The following PTPN3 variants were observed in gnomAD, a reference collection of about 807,000 sequenced individuals.
PTPN3 encodes the protein tyrosine-protein phosphatase non-receptor type 3.
In PTPN3, 96 loss-of-function variants were observed where a neutral mutation model predicts 132.7. The observed-to-expected ratio is 0.72, with a 90% CI of 0.61 to 0.86. PTPN3 has a LOEUF of 0.86. Ranked by LOEUF, PTPN3 falls within the 40% of genes least tolerant of loss-of-function variation. The pLI is 0.00. For missense variants in PTPN3, 1,125 were observed against 1,159.6 expected (o/e 0.97, Z 0.43); for synonymous variants, 398 against 429.0 (o/e 0.93, Z 0.89).
At chr9:109,447,150 G>C (rs1001593698) in intron 6 of PTPN3, among the ~76,000 whole-genome samples, 1 of 152,102 alleles carries the variant, frequency 6.6e-6, no homozygotes, top group Non-Finnish European at 1.5e-5. Context: ...TGATTCACAT[G>C]GAAATAACAA....
chr9:109,532,259 C>G, the PTPN3 span, among the ~76,000 whole-genome samples: 1 of 152,144 alleles, frequency 6.6e-6, no homozygotes, highest in Non-Finnish European at 1.5e-5. Context: ...TTTGAATCCC[C>G]TTTAAAGTTT....
At chr9:109,381,619 G>T in intron 25 of PTPN3, 33 bp downstream of exon 25, 3 of 1,612,838 alleles carry the variant, frequency 1.9e-6, no homozygotes, top group Non-Finnish European at 1.7e-6. Context: ...CTCAGAAAGT[G>T]CCAGCCACCG....
chr9:109,433,628 G>A (rs1843817770), intron 9 of PTPN3, among the ~76,000 whole-genome samples: 2 of 152,206 alleles, frequency 1.3e-5, no homozygotes, highest in Admixed American at 1.3e-4. Context: ...AATGTTGGCT[G>A]GGTGAGGTGG....
At chr9:109,537,158 C>T in the PTPN3 span, among the ~76,000 whole-genome samples, 2 of 152,138 alleles carry the variant, frequency 1.3e-5, no homozygotes, top group Admixed American at 6.5e-5. Flanking sequence ...CATTAACAAA[C>T]ACAAGTACAC....
intron 6 of PTPN3, among the ~76,000 whole-genome samples, chr9:109,445,602 G>A (rs1844800117): frequency 1.3e-5 from 2 of 151,926 alleles, no homozygotes; most frequent in African/African-American, 2.4e-5. Flanking sequence ...CTCTAAGAGG[G>A]GAAAAAAAAG....
chr9:109,511,428 T>G, the PTPN3 span: 3 of 153,402 alleles, frequency 2.0e-5, no homozygotes, highest in Admixed American at 6.5e-5. Flanking sequence ...TGAATTCCCC[T>G]TTCATGCTGA....
chr9:109,417,915 A>C, intron 14 of PTPN3: 3 of 402,960 alleles, frequency 7.4e-6, no homozygotes, highest in Non-Finnish European at 1.0e-5. Context: ...AAGAAGACTC[A>C]TTGTGCAATG....
In PTPN3 at chr9:109,448,858, A is replaced by G. The variant is rs1433138133; in HGVS notation, c.369-3T>C. 1 of 1,590,062 alleles carries G rather than the reference A, an allele frequency of 6.3e-7. No homozygotes were observed. The highest frequency in any genetic ancestry group is 8.5e-7 in the Non-Finnish European group (1 of 1,171,498). ...TCAGTTGTAAGAAATACAAGTGCCT[A>G]TGAAACAATTGTTTTCATTAATTCA... On this transcript the variant is annotated splice_region_variant and splice_polypyrimidine_tract_variant and intron_variant, in intron 5 of 25. Coordinates refer to ENST00000374541, the MANE Select transcript of PTPN3 (RefSeq NM_002829.4).
chr9:109,532,941 TG>T, the PTPN3 span: 1 of 618,242 alleles, frequency 1.6e-6, no homozygotes, highest in African/African-American at 2.2e-5. Context: ...TTTTCTTTTC[TG>T]GGTTTTTTTT....
At position 109,420,524 on chromosome 9, in the gene PTPN3, A is replaced by G. The variant is rs771752925; in HGVS notation, c.1213T>C (p.Tyr405His). The change falls in exon 14 of 26, where the codon TAC becomes CAC. Residue 405 changes from tyrosine to histidine, a missense_variant. Coordinates refer to ENST00000374541, the MANE Select transcript of PTPN3 (RefSeq NM_002829.4). ...AATACATCTTCCGTTTCCGTGATGT[A>G]GGTCATTTCATTTGCAAGGTTATCT... ...SADNLANEMT[Y>H]ITETEDVFYT... 6.2e-7 allele frequency: 1 copy of G among 1,613,426 alleles called. No homozygotes were observed. Among genetic ancestry groups the G allele is most frequent in the Non-Finnish European group, 8.5e-7 (1 of 1,179,884 alleles).
At chr9:109,492,427 G>A (rs563144843) in intron 1 of PTPN3, among the ~76,000 whole-genome samples, 1 of 152,204 alleles carries the variant, frequency 6.6e-6, no homozygotes, top group Non-Finnish European at 1.5e-5. Flanking sequence ...GGCTGAGGAG[G>A]GACCTTCACT....
rs201397922 is a variant in PTPN3 at position 109,420,583 on chromosome 9, C to T, written c.1154G>A (p.Arg385Gln). ...GTGGCGTGGCTTTCGGATTTCGTGCCGGAGCCGAGGACTTCGCCTGGGTGG... is the reference window on the plus strand; with the variant it reads ...GTGGCGTGGCTTTCGGATTTCGTGCTGGAGCCGAGGACTTCGCCTGGGTGG... Reference protein sequence around the residue: ...ITPNWRSPRLRHEIRKPRHSS... With the variant: ...ITPNWRSPRLQHEIRKPRHSS... Residue 385 changes from arginine to glutamine, a missense_variant, in exon 14 of 26, where the codon CGG (arginine) becomes CAG (glutamine). Physicochemically the swap from Arg to Gln is conservative, Grantham distance 43. Transcript: ENST00000374541. The T allele has an allele frequency of 6.8e-6, 11 of 1,610,060 alleles. No homozygotes were observed. The highest frequency in any genetic ancestry group is 4.1e-4 in the Middle Eastern group (2 of 4,826).
intron 12 of PTPN3, among the ~76,000 whole-genome samples, chr9:109,424,344 T>G (rs1168935371): frequency 6.6e-6 from 1 of 152,206 alleles, no homozygotes; most frequent in African/African-American, 2.4e-5. Flanking sequence ...TTCACCAGTA[T>G]GCTGAAGCTG....
At chr9:109,471,308 T>C (rs1326308015) in intron 1 of PTPN3, among the ~76,000 whole-genome samples, 1 of 152,246 alleles carries the variant, frequency 6.6e-6, no homozygotes, top group African/African-American at 2.4e-5. Flanking sequence ...TTTGCCTGCC[T>C]TGGCCTCCCA....
chr9:109,476,370 TA>T (rs111446708), intron 1 of PTPN3, among the ~76,000 whole-genome samples: 3,783 of 143,388 alleles, frequency 0.026, 100 homozygotes, highest in African/African-American at 0.066. Context: ...TTGTAAACCT[TA>T]AAAAAAAAAA....
In PTPN3 at chr9:109,379,619, A is replaced by T; in HGVS notation, c.2679T>A (p.Phe893Leu). 1 of 1,614,110 alleles carries T rather than the reference A, an allele frequency of 6.2e-7. No homozygotes were observed. Residue 893 changes from phenylalanine to leucine, a missense_variant, in exon 26 of 26, where the codon TTT becomes TTA. Coordinates refer to ENST00000374541, the MANE Select transcript of PTPN3 (RefSeq NM_002829.4). ...MMVQTSSQYK[F>L]VCEAILRVYE... ...ACACACGAAGAATCGCTTCACACAC[A>T]AACTTGTACTGGCTCTGGAAAAGAA...
At chr9:109,467,409 G>A (rs1846155235) in intron 1 of PTPN3, among the ~76,000 whole-genome samples, 1 of 152,094 alleles carries the variant, frequency 6.6e-6, no homozygotes, top group African/African-American at 2.4e-5. Context: ...GTGTGGCGCA[G>A]GATCACATTC....
At position 109,375,701 on chromosome 9, in the gene PTPN3, T is replaced by C. The variant is rs1436266161; in HGVS notation, c.*3855A>G. ...AAATGTCAACAGACAATAACAGTGT[T>C]GCATAGCTTGAACATTTTTATATTG... On this transcript the variant is annotated 3_prime_UTR_variant, in exon 26 of 26. Transcript: ENST00000374541. 1.3e-5 allele frequency: 2 copies of C among 152,244 alleles called. No individual in the cohort carries two copies. The highest frequency in any genetic ancestry group is 4.8e-5 in the African/African-American group (2 of 41,456). 9.4% of individuals were successfully genotyped at this position (152,244 alleles called of 1,614,324 possible). A position where few individuals can be genotyped will look rare whatever the true frequency, so the allele number is the denominator to read the frequency against.
chr9:109,401,397 T>C (rs1841086915), intron 19 of PTPN3, among the ~76,000 whole-genome samples: 1 of 152,190 alleles, frequency 6.6e-6, no homozygotes, highest in Admixed American at 6.5e-5. Flanking sequence ...ACTCCCCAGG[T>C]GATCTCCATA....
Sources: allele counts gnomAD v4.1 joint callset (sites outside exome capture counted in the v4.1 genomes callset), GRCh38; gene constraint gnomAD v4.1.1; transcripts MANE v1.5; gene names NCBI Gene and HGNC (gene_info 2026-07-23, HGNC 2026-07-21).